BTG4: variants seen among roughly 807,000 people sequenced by gnomAD.
BTG4 encodes BTG anti-proliferation factor 4, also known as protein BTG4.
BTG4 carries 10 observed loss-of-function variants against 19.3 expected under a neutral mutation model. The ratio of observed to expected loss-of-function variants is 0.52; its 90% CI spans 0.32 to 0.88. The LOEUF is 0.88. BTG4 is among the 40% of genes least tolerant of loss of function. BTG4 has a pLI of 0.04. For synonymous variants in BTG4, 91 were observed against 95.7 expected, an observed-to-expected ratio of 0.95 and a Z score of 0.29; for missense variants, 238 against 281.9, an observed-to-expected ratio of 0.84 and a Z score of 1.11.
chr11:111,444,994 A>T, the BTG4 span, among the ~76,000 whole-genome samples: 1 of 152,236 alleles, frequency 6.6e-6, no homozygotes, highest in African/African-American at 2.4e-5. Flanking sequence ...CATAAGCCTT[A>T]GAGGACAAAG....
the BTG4 span, among the ~76,000 whole-genome samples, chr11:111,402,686 G>A: frequency 3.9e-5 from 6 of 152,208 alleles, no homozygotes; most frequent in East Asian, 1.2e-3. Flanking sequence ...AAGAGTGGGG[G>A]TGCTACAGAG....
rs1591516280 is a variant in BTG4 at position 111,497,323 on chromosome 11, G to C, written c.398C>G (p.Ala133Gly). 1 of 1,582,966 alleles carries C rather than the reference G, an allele frequency of 6.3e-7. No individual in the cohort carries two copies. Among genetic ancestry groups the C allele is most frequent in the African/African-American group, 1.4e-5 (1 of 73,014 alleles). Residue 133 changes from alanine to glycine, a missense_variant, in exon 4 of 5, where the codon GCC (alanine) becomes GGC (glycine). Physicochemically the swap from Ala to Gly is moderately conservative, Grantham distance 60. Transcript: ENST00000692032. ...EWELYQQISY[A>G]VSRASSDVSS... ...AACGTCTGATGAGGCTCTACTAACGGCATAACTGATTTGTTGATATAGTTC... is the reference window on the plus strand; with the variant it reads ...AACGTCTGATGAGGCTCTACTAACGCCATAACTGATTTGTTGATATAGTTC...
At chr11:111,447,227 G>T in the BTG4 span, among the ~76,000 whole-genome samples, 3 of 152,224 alleles carry the variant, frequency 2.0e-5, no homozygotes, top group Non-Finnish European at 4.4e-5. Flanking sequence ...GTTATCCAAG[G>T]ATTCACTGGC....
chr11:111,504,665 G>T (rs1866326555), intron 1 of BTG4, among the ~76,000 whole-genome samples: 1 of 152,040 alleles, frequency 6.6e-6, no homozygotes, highest in Non-Finnish European at 1.5e-5. Context: ...AATTGGAAAA[G>T]TAGAAGTCAA....
At chr11:111,444,504 CAAAT>C in the BTG4 span, among the ~76,000 whole-genome samples, 1 of 152,008 alleles carries the variant, frequency 6.6e-6, no homozygotes, top group African/African-American at 2.4e-5. Flanking sequence ...GGTACCAAAA[CAAAT>C]AGAAAGAATG....
At chr11:111,447,235 G>A in the BTG4 span, among the ~76,000 whole-genome samples, 3 of 152,190 alleles carry the variant, frequency 2.0e-5, no homozygotes, top group African/African-American at 7.2e-5. Context: ...AGGATTCACT[G>A]GCAGTTTTAC....
At chr11:111,430,066 T>G in the BTG4 span, among the ~76,000 whole-genome samples, 1 of 152,226 alleles carries the variant, frequency 6.6e-6, no homozygotes, top group Admixed American at 6.5e-5. Flanking sequence ...TTATGGTGCA[T>G]TGTCATGTGT....
chr11:111,424,857 G>T, the BTG4 span, among the ~76,000 whole-genome samples: 1 of 152,116 alleles, frequency 6.6e-6, no homozygotes, highest in Non-Finnish European at 1.5e-5. Flanking sequence ...TACTCAAGAG[G>T]CTGATGCAGG....
rs1864998994 is a variant in BTG4 at position 111,485,407 on chromosome 11, T to A, written c.662+9756A>T. 2.0e-5 allele frequency among the ~76,000 whole-genome samples: 3 copies of A among 152,254 alleles called. No individual in the cohort carries two copies. The South Asian group carries it at 6.2e-4, about 32-fold the overall frequency. On this transcript the variant is annotated intron_variant, in intron 5 of 5. Transcript: ENST00000356018. ...AAAAAATGAAATCATATCAACTACT[T>A]TTTCCAACCACAGTGGAATAAAACT... is the stretch of plus-strand genomic sequence containing the variant.
At chr11:111,480,230 G>GAAC (rs1864655268) in intron 5 of BTG4, among the ~76,000 whole-genome samples, 1 of 152,058 alleles carries the variant, frequency 6.6e-6, no homozygotes, top group Admixed American at 6.6e-5. Flanking sequence ...CAGCAAAGTA[G>GAAC]ATTACCAGAA....
intron 5 of BTG4, among the ~76,000 whole-genome samples, chr11:111,474,281 C>T (rs1327431254): frequency 6.6e-6 from 1 of 152,100 alleles, no homozygotes; most frequent in Non-Finnish European, 1.5e-5. Context: ...CCCATATAAC[C>T]AGCCCCAGAT....
At chr11:111,412,653 G>A in the BTG4 span, among the ~76,000 whole-genome samples, 1 of 152,212 alleles carries the variant, frequency 6.6e-6, no homozygotes, top group South Asian at 2.1e-4. Flanking sequence ...ACAGTCTTAC[G>A]AGGTTGGTAC....
At chr11:111,486,757 A>C (rs527266934) in intron 5 of BTG4, among the ~76,000 whole-genome samples, 2 of 152,318 alleles carry the variant, frequency 1.3e-5, no homozygotes, top group East Asian at 3.9e-4. Context: ...AAATAATGTG[A>C]TATATCACAT....
chr11:111,404,292 T>C, the BTG4 span, among the ~76,000 whole-genome samples: 1 of 152,226 alleles, frequency 6.6e-6, no homozygotes, highest in African/African-American at 2.4e-5. Flanking sequence ...CGGGTATGTC[T>C]TTATCAGCAG....
the BTG4 span, among the ~76,000 whole-genome samples, chr11:111,426,564 T>C: frequency 6.6e-6 from 1 of 152,130 alleles, no homozygotes; most frequent in Non-Finnish European, 1.5e-5. Flanking sequence ...CTAGCACACC[T>C]TGGGCTCTCC....
At chr11:111,452,394 C>T in the BTG4 span, 1 of 152,406 alleles carries the variant, frequency 6.6e-6, no homozygotes, top group Non-Finnish European at 1.5e-5. Context: ...ACTGAACAGA[C>T]TTCTTTCCAT....
chr11:111,491,749 A>C (rs1273106830), downstream of BTG4, among the ~76,000 whole-genome samples: 6 of 149,864 alleles, frequency 4.0e-5, no homozygotes, highest in Non-Finnish European at 8.9e-5. Flanking sequence ...AAAAAAAAAA[A>C]AGAAAGAAAG....
At chr11:111,503,271 C>T (rs1047788855) in intron 1 of BTG4, among the ~76,000 whole-genome samples, 1 of 152,142 alleles carries the variant, frequency 6.6e-6, no homozygotes, top group Non-Finnish European at 1.5e-5. Context: ...CGGTATAAAA[C>T]AAATGGTGAT....
At chr11:111,510,169 C>T (rs190772262) in intron 1 of BTG4, among the ~76,000 whole-genome samples, 220 of 152,186 alleles carry the variant, frequency 1.4e-3, no homozygotes, top group Admixed American at 9.2e-3. Context: ...CTTGACCTCC[C>T]AAAGTGCTGG....
Sources: gnomAD v4.1 joint callset for allele counts (sites outside exome capture counted in the v4.1 genomes callset) on GRCh38, gnomAD v4.1.1 for gene constraint, MANE v1.5 for transcripts, NCBI Gene and HGNC (gene_info 2026-07-23, HGNC 2026-07-21) for gene names.